FAM186A: variants seen among roughly 807,000 people sequenced by gnomAD.
The protein encoded by FAM186A is family with sequence similarity 186 member A.
Under a neutral mutation model 216.8 loss-of-function variants are expected in FAM186A, and 163 were observed. That is an observed-to-expected ratio of 0.75 (90% CI 0.66 to 0.86). The LOEUF (loss-of-function observed/expected upper bound fraction) is 0.86, where lower values mean the gene tolerates loss of function less well. FAM186A is among the 40% of genes least tolerant of loss of function. The pLI is 0.00. For synonymous variants in FAM186A, 805 were observed against 1,025.3 expected, an observed-to-expected ratio of 0.79 and a Z score of 4.10; for missense variants, 2,184 against 2,746.2, an observed-to-expected ratio of 0.80 and a Z score of 4.58.
chr12:50,349,236 G>T (rs1287479990), intron 4 of FAM186A, among the ~76,000 whole-genome samples: 1 of 148,228 alleles, frequency 6.7e-6, no homozygotes, highest in Non-Finnish European at 1.5e-5. Flanking sequence ...CCCTGAGACT[G>T]GGTCTTGCTC....
intron 1 of FAM186A, among the ~76,000 whole-genome samples, chr12:50,368,376 G>A (rs1228124702): frequency 6.6e-6 from 1 of 151,746 alleles, no homozygotes; most frequent in Non-Finnish European, 1.5e-5. Context: ...TTCCAGCCTG[G>A]GCAACAGAGC....
chr12:50,396,410 C>A lies in FAM186A; in HGVS notation c.75G>T (p.Met25Ile). Reference protein sequence around the residue: ...SEKCIKDSTIMRREPQNILSP... With the variant: ...SEKCIKDSTIIRREPQNILSP... ...TAAGGATATTTTGGGGCTCTCTTCT[C>A]ATGATGGTGGAATCCTTGATGCATT... The change falls in exon 1 of 8, where the codon ATG becomes ATT. Residue 25 changes from methionine to isoleucine, a missense_variant. Met to Ile is a conservative substitution (Grantham distance 10). This residue lies in a region of FAM186A where 1,132 missense variants were observed against 1,263.4 expected (regional missense o/e 0.90). Coordinates refer to ENST00000327337, the MANE Select transcript of FAM186A (RefSeq NM_001145475.3). The A allele has an allele frequency of 6.4e-7, 1 of 1,551,638 alleles. No homozygotes were observed. The highest frequency in any genetic ancestry group is 1.2e-5 in the South Asian group (1 of 84,046).
In FAM186A at chr12:50,353,591, G is replaced by T; in HGVS notation, c.3241C>A (p.Gln1081Lys). ...KCIHLTPQQA[Q>K]EVGITLTPQQ... ...GGAGTGAGTGTGATCCCCACTTCCT[G>T]GGCCTGCTGAGGTGTGAGATGAATG... Residue 1081 changes from glutamine (Q) to lysine (K), a missense_variant, in exon 4 of 8, where the codon CAG (glutamine) becomes AAG (lysine). Around this residue, in one of 7 missense-constraint regions of FAM186A, gnomAD observed 1,132 missense variants for 1,263.4 expected, o/e 0.90. Transcript: ENST00000327337. 6.5e-7 allele frequency: 1 copy of T among 1,527,238 alleles called. No individual in the cohort carries two copies. Among genetic ancestry groups the T allele is most frequent in the South Asian group, 1.3e-5 (1 of 78,672 alleles). 94.6% of individuals were successfully genotyped at this position (1,527,238 alleles called of 1,614,324 possible). A position where few individuals can be genotyped will look rare whatever the true frequency, so the allele number is the denominator to read the frequency against.
In FAM186A at chr12:50,337,054, G is replaced by A. The variant is rs189430283; in HGVS notation, c.6504-2951C>T. ...ATACTTTAGAACCTACTATATATATGGATCATTTAATACTTAAATTATTAT... is the reference window on the plus strand; with the variant it reads ...ATACTTTAGAACCTACTATATATATAGATCATTTAATACTTAAATTATTAT... On this transcript the variant is annotated intron_variant, in intron 4 of 7. Transcript: ENST00000327337. Among the ~76,000 whole-genome samples the A allele has an allele frequency of 6.2e-3, 942 of 150,972 alleles. 14 individuals carry two copies. The highest frequency in any genetic ancestry group is 0.022 in the African/African-American group (905 of 41,238).
chr12:50,343,104 A>C (rs1942780884), intron 4 of FAM186A, among the ~76,000 whole-genome samples: 1 of 152,004 alleles, frequency 6.6e-6, no homozygotes, highest in South Asian at 2.1e-4. Context: ...AAAATTAGCT[A>C]CTGGGGAGGC....
At chr12:50,339,741 T>TACACACACACACACACACACACACAC (rs10611207) in intron 4 of FAM186A, among the ~76,000 whole-genome samples, 1 of 148,408 alleles carries the variant, frequency 6.7e-6, no homozygotes, top group African/African-American at 2.5e-5. Context: ...CAAAGTACTT[T>TACACACACACACACACACACACACAC]ACACACACAC....
intron 1 of FAM186A, among the ~76,000 whole-genome samples, chr12:50,389,405 C>T (rs1262568763): frequency 1.3e-5 from 2 of 152,066 alleles, no homozygotes; most frequent in African/African-American, 4.8e-5. Context: ...GAGGCTGAGG[C>T]AGTAGAATTG....
Position 50,352,187 on chromosome 12 carries a change from G to A in FAM186A, c.4645C>T (p.Gln1549Ter), listed in dbSNP as rs1247066394. The change falls in exon 4 of 8, where the codon CAG becomes TAG. Residue 1549 changes from glutamine to a stop codon, truncating the protein, a stop_gained. Transcript: ENST00000327337. LOFTEE classifies it high-confidence loss of function. The part of the protein sequence containing the change: ...LGIPLTPQQV[Q>*]ALGIPLIPPQ... ...GGGATGAGAGGGATCCCCAGGGCCT[G>A]GACCTGCTGAGGGGTGAGAGGGATC... is the stretch of plus-strand genomic sequence containing the variant. 5 of 1,530,004 alleles carry A rather than the reference G, an allele frequency of 3.3e-6. No individual in the cohort carries two copies. The African/African-American group carries it at 5.9e-5, about 18-fold the overall frequency. 94.8% of individuals were successfully genotyped at this position (1,530,004 alleles called of 1,614,324 possible). A position where few individuals can be genotyped will look rare whatever the true frequency, so the allele number is the denominator to read the frequency against.
At chr12:50,342,763 G>A (rs559614658) in intron 4 of FAM186A, among the ~76,000 whole-genome samples, 3 of 130,400 alleles carry the variant, frequency 2.3e-5, no homozygotes, top group East Asian at 2.2e-4. Flanking sequence ...GTGAGCCACC[G>A]CTCCCGACCT....
In FAM186A at chr12:50,351,828, G is replaced by A. The variant is rs376573754; in HGVS notation, c.5004C>T (p.Thr1668=). 1.2e-5 allele frequency: 18 copies of A among 1,545,348 alleles called. No homozygotes were observed. The East Asian group carries it at 1.5e-4, about 13-fold the overall frequency. The change falls in exon 4 of 8, where the codon ACC becomes ACT. Residue 1668 remains threonine (T), a synonymous_variant. Coordinates refer to ENST00000327337, the MANE Select transcript of FAM186A (RefSeq NM_001145475.3). ...VSAVTLTSEQ[T]HALESPMNLE... ...AGTTCATAGGGGACTCCAAAGCGTGGGTTTGCTCAGAGGTAAGAGTGACAG... is the reference window on the plus strand; with the variant it reads ...AGTTCATAGGGGACTCCAAAGCGTGAGTTTGCTCAGAGGTAAGAGTGACAG...
At chr12:50,367,561 T>G (rs1327404333) in intron 1 of FAM186A, among the ~76,000 whole-genome samples, 2 of 150,826 alleles carry the variant, frequency 1.3e-5, no homozygotes, top group Non-Finnish European at 3.0e-5. Flanking sequence ...GCACACAATT[T>G]GGAAAGGAAA....
At chr12:50,344,864 C>G (rs1942797478) in intron 4 of FAM186A, among the ~76,000 whole-genome samples, 1 of 152,126 alleles carries the variant, frequency 6.6e-6, no homozygotes, top group African/African-American at 2.4e-5. Context: ...GTCCCAGCTA[C>G]TCGGAGGCTG....
intron 4 of FAM186A, among the ~76,000 whole-genome samples, chr12:50,346,968 G>A (rs551829225): frequency 2.0e-5 from 3 of 147,744 alleles, no homozygotes; most frequent in African/African-American, 7.5e-5. Context: ...ATGTATAATT[G>A]GCTTGGGTGA....
At chr12:50,339,659 G>T (rs961856380) in intron 4 of FAM186A, among the ~76,000 whole-genome samples, 14 of 151,356 alleles carry the variant, frequency 9.2e-5, no homozygotes, top group African/African-American at 3.4e-4. Context: ...CTTTTATCTT[G>T]CCTCTCTTTT....
intron 2 of FAM186A, 40 bp downstream of exon 2, chr12:50,363,105 A>T (rs1358743137): frequency 6.9e-7 from 1 of 1,444,664 alleles, no homozygotes; most frequent in Non-Finnish European, 9.3e-7. Context: ...CTTTTTCATT[A>T]ACTTTATGGT....
At chr12:50,391,161 G>A (rs112019616) in intron 1 of FAM186A, among the ~76,000 whole-genome samples, 307 of 151,174 alleles carry the variant, frequency 2.0e-3, no homozygotes, top group African/African-American at 7.1e-3. Flanking sequence ...GCTGATTTTT[G>A]TATTCTTAGT....
intron 4 of FAM186A, among the ~76,000 whole-genome samples, chr12:50,348,650 C>G (rs541524224): frequency 4.9e-4 from 74 of 152,176 alleles, no homozygotes; most frequent in African/African-American, 1.7e-3. Context: ...AGCTCTGCCT[C>G]CTGGGTTCAA....
At chr12:50,382,633 G>A (rs1051266874) in intron 1 of FAM186A, among the ~76,000 whole-genome samples, 20 of 151,586 alleles carry the variant, frequency 1.3e-4, no homozygotes, top group African/African-American at 3.9e-4. Context: ...CTGGGAGGCA[G>A]AAGTTGCAGT....
chr12:50,371,188 G>A (rs995772076), intron 1 of FAM186A, among the ~76,000 whole-genome samples: 46 of 151,576 alleles, frequency 3.0e-4, no homozygotes, highest in African/African-American at 8.0e-4. Flanking sequence ...GCATGATCTC[G>A]GCTGACTGCA....
Sources: allele counts gnomAD v4.1 joint callset (sites outside exome capture counted in the v4.1 genomes callset), GRCh38; gene constraint gnomAD v4.1.1; regional missense constraint gnomAD v4.1.1; transcripts MANE v1.5; gene names NCBI Gene and HGNC (gene_info 2026-07-23, HGNC 2026-07-21).